The following YPEL1 variants were observed in gnomAD, a reference collection of about 807,000 sequenced individuals.
YPEL1 encodes protein yippee-like 1.
A neutral mutation model predicts 17.3 loss-of-function variants in YPEL1; 7 were observed. That is an observed-to-expected ratio of 0.40 (90% CI 0.23 to 0.76). The LOEUF is 0.76. Ranked by LOEUF, YPEL1 falls within the 30% of genes least tolerant of loss-of-function variation. YPEL1 has a pLI of 0.35. For missense variants in YPEL1, 91 were observed against 155.5 expected (o/e 0.59, Z 2.21); for synonymous variants, 59 against 59.6 (o/e 0.99, Z 0.05).
chr22:21,715,415 AC>A (rs778846284), intron 1 of YPEL1, among the ~76,000 whole-genome samples: 9 of 151,306 alleles, frequency 5.9e-5, no homozygotes, highest in South Asian at 2.1e-4. Flanking sequence ...AATCACTTGA[AC>A]CCGGGAGGCG....
intron 1 of YPEL1, among the ~76,000 whole-genome samples, chr22:21,725,068 C>T (rs570171557): frequency 2.3e-4 from 35 of 151,334 alleles, no homozygotes; most frequent in African/African-American, 6.5e-4. Flanking sequence ...CCATCATGCC[C>T]GGCTAATTTT....
chr22:21,718,451 C>T (rs181086702), intron 1 of YPEL1, among the ~76,000 whole-genome samples: 142 of 150,994 alleles, frequency 9.4e-4, no homozygotes, highest in African/African-American at 3.3e-3. Flanking sequence ...GGCAACAGAG[C>T]GAGGCTCCAT....
chr22:21,710,374 C>T, intron 2 of YPEL1: 1 of 540,054 alleles, frequency 1.9e-6, no homozygotes, highest in Non-Finnish European at 3.3e-6. Flanking sequence ...TTCACCTTGC[C>T]CCTCGTAATC....
chr22:21,707,748 T>C (rs1391006925), intron 2 of YPEL1, among the ~76,000 whole-genome samples: 1 of 152,198 alleles, frequency 6.6e-6, no homozygotes, highest in African/African-American at 2.4e-5. Flanking sequence ...AGAGCAGCTC[T>C]GTGATTCAGA....
In YPEL1 at chr22:21,733,502, G is replaced by C. The variant is rs974480633; in HGVS notation, c.-165+2113C>G. Among the ~76,000 whole-genome samples, 5 of 152,112 alleles carry C rather than the reference G, an allele frequency of 3.3e-5. No homozygotes were observed. The East Asian group carries it at 5.8e-4, about 18-fold the overall frequency. ...TAATCTCAGCACTTTGGGAGGCAAGGGGGGAGGATCGCTTCAGCTCAGGAG... is the reference window on the plus strand; with the variant it reads ...TAATCTCAGCACTTTGGGAGGCAAGCGGGGAGGATCGCTTCAGCTCAGGAG... On this transcript the variant is annotated intron_variant, in intron 1 of 4. Transcript: ENST00000339468.
At chr22:21,704,251 TC>T in intron 2 of YPEL1, 1 of 707,448 alleles carries the variant, frequency 1.4e-6, no homozygotes, top group South Asian at 1.5e-5. Flanking sequence ...AACCCACAGA[TC>T]CTCAAAATGC....
At chr22:21,706,940 A>G (rs2068121614) in intron 2 of YPEL1, among the ~76,000 whole-genome samples, 2 of 152,182 alleles carry the variant, frequency 1.3e-5, no homozygotes, top group Non-Finnish European at 1.5e-5. Context: ...GTGTCATTTG[A>G]GCCCTTTATT....
intron 1 of YPEL1, among the ~76,000 whole-genome samples, chr22:21,732,724 C>G (rs2068400225): frequency 6.6e-6 from 1 of 151,588 alleles, no homozygotes; most frequent in Admixed American, 6.6e-5. Context: ...GGAGGCTGCA[C>G]TGAGCCGAGA....
chr22:21,717,236 C>T (rs927164871), intron 1 of YPEL1, among the ~76,000 whole-genome samples: 8 of 151,824 alleles, frequency 5.3e-5, no homozygotes, highest in Admixed American at 2.0e-4. Context: ...ATTAGCCGGG[C>T]GTGGTGGTGT....
At chr22:21,702,288 G>A (rs1020595246) in intron 4 of YPEL1, among the ~76,000 whole-genome samples, 1 of 152,142 alleles carries the variant, frequency 6.6e-6, no homozygotes, top group African/African-American at 2.4e-5. Flanking sequence ...ACGGGTTTCT[G>A]GAAGTGGGGC....
At chr22:21,734,286 C>T (rs868257692) in intron 1 of YPEL1, among the ~76,000 whole-genome samples, 17 of 152,052 alleles carry the variant, frequency 1.1e-4, no homozygotes, top group Non-Finnish European at 1.9e-4. Flanking sequence ...GGCTTAATAC[C>T]CACAGTTTAG....
At chr22:21,728,772 A>G (rs548290074) in intron 1 of YPEL1, among the ~76,000 whole-genome samples, 126 of 152,120 alleles carry the variant, frequency 8.3e-4, no homozygotes, top group Middle Eastern at 6.8e-3. Flanking sequence ...CACTTTGGGA[A>G]CCCAAGGTGG....
In YPEL1 at chr22:21,698,556, C is replaced by T. The variant is rs573445454; in HGVS notation, c.*2573G>A. ...CAACTGTTTCCCCTAGTCCCCGGGG[C>T]ATCGGAGGCTGGGTTCCCACATGGG... is the stretch of plus-strand genomic sequence containing the variant. On this transcript the variant is annotated 3_prime_UTR_variant, in exon 5 of 5. Transcript: ENST00000339468. 3 of 152,466 alleles carry T rather than the reference C, an allele frequency of 2.0e-5. No homozygotes were observed. In the East Asian group the frequency reaches 5.6e-4, roughly 29 times the overall value. 9.4% of individuals were successfully genotyped at this position (152,466 alleles called of 1,614,324 possible).
intron 1 of YPEL1, among the ~76,000 whole-genome samples, chr22:21,715,982 A>G (rs5754790): frequency 0.36 from 55,145 of 151,960 alleles, 11,059 homozygotes; most frequent in African/African-American, 0.55. Flanking sequence ...GGCTGGTCTC[A>G]AACTCCCAAC....
Position 21,698,274 on chromosome 22 carries a change from A to AAAT in YPEL1, c.*2852_*2854dup, listed in dbSNP as rs1410051787. 6.6e-6 allele frequency: 1 copy of AAAT among 152,130 alleles called. No individual in the cohort carries two copies. The highest frequency in any genetic ancestry group is 1.5e-5 in the Non-Finnish European group (1 of 68,020). The allele number at this position is 152,130 out of a possible 1,614,324, so 9.4% of individuals were successfully genotyped here. Reference sequence around the variant, plus strand: ...TGGTATAAATTACAAAAAAAAAAAAAAATACAAAAGTCATAAGACTACTAG... The same window carrying AAAT: ...TGGTATAAATTACAAAAAAAAAAAAAAATAATACAAAAGTCATAAGACTACTAG... On this transcript the variant is annotated 3_prime_UTR_variant, in exon 5 of 5. Transcript: ENST00000339468.
At chr22:21,714,978 A>C (rs545880198) in intron 1 of YPEL1, among the ~76,000 whole-genome samples, 11 of 152,330 alleles carry the variant, frequency 7.2e-5, no homozygotes, top group Non-Finnish European at 1.2e-4. Context: ...ACATTAAGCC[A>C]TATCGGTCGT....
chr22:21,732,874 G>C (rs1243279698), intron 1 of YPEL1, among the ~76,000 whole-genome samples: 3 of 152,174 alleles, frequency 2.0e-5, no homozygotes, highest in South Asian at 2.1e-4. Context: ...GCTGAGACTG[G>C]AGGATCACTT....
chr22:21,704,185 A>G (rs1479056974), intron 2 of YPEL1: 1 of 718,000 alleles, frequency 1.4e-6, no homozygotes, highest in Non-Finnish European at 2.6e-6. Flanking sequence ...ATGTCTGGAC[A>G]ACTTTACCTT....
intron 2 of YPEL1, among the ~76,000 whole-genome samples, chr22:21,705,868 G>A (rs914767371): frequency 6.6e-6 from 1 of 152,064 alleles, no homozygotes; most frequent in African/African-American, 2.4e-5. Flanking sequence ...GGTGGCTCAC[G>A]CATGTAATCC....
Sources: gnomAD v4.1 joint callset for allele counts (sites outside exome capture counted in the v4.1 genomes callset) on GRCh38, gnomAD v4.1.1 for gene constraint, MANE v1.5 for transcripts, NCBI Gene and HGNC (gene_info 2026-07-23, HGNC 2026-07-21) for gene names.